Variants in ADCY8 observed in about 807,000 individuals in gnomAD.
ADCY8 encodes the protein adenylate cyclase type 8.
A neutral mutation model predicts 119.7 loss-of-function variants in ADCY8; 51 were observed. That is an observed-to-expected ratio of 0.43 (90% CI 0.34 to 0.54). ADCY8 has a LOEUF of 0.54. Among genes scored for constraint, ADCY8 ranks in the 20% least tolerant of loss-of-function variants. The pLI is 0.03. For missense variants in ADCY8, 1,383 were observed against 1,598.8 expected (o/e 0.87, Z 2.30); for synonymous variants, 665 against 651.0 (o/e 1.02, Z -0.33).
chr8:130,875,269 C>T (rs1818518748), intron 8 of ADCY8, among the ~76,000 whole-genome samples: 2 of 152,310 alleles, frequency 1.3e-5, no homozygotes, highest in Non-Finnish European at 1.5e-5. Context: ...ACCTGTCCTT[C>T]ACATCTGAAG....
At chr8:130,948,748 A>G (rs1821182434) in intron 3 of ADCY8, among the ~76,000 whole-genome samples, 2 of 151,980 alleles carry the variant, frequency 1.3e-5, no homozygotes, top group Admixed American at 1.3e-4. Flanking sequence ...AATGCTCCCA[A>G]CACCGCAGCG....
intron 7 of ADCY8, among the ~76,000 whole-genome samples, chr8:130,900,156 A>G (rs1819547782): frequency 6.6e-6 from 1 of 152,210 alleles, no homozygotes; most frequent in Admixed American, 6.5e-5. Flanking sequence ...ATAAAAGGGC[A>G]TGGGTGTTCA....
At chr8:130,855,314 TAAAG>T (rs1178181231) in intron 9 of ADCY8, among the ~76,000 whole-genome samples, 3 of 152,092 alleles carry the variant, frequency 2.0e-5, no homozygotes, top group Non-Finnish European at 2.9e-5. Context: ...CAGCACATAT[TAAAG>T]AAAGCTTTTG....
chr8:130,847,450 A>C lies in ADCY8; in HGVS notation c.2476T>G (p.Phe826Val). The C allele has an allele frequency of 6.2e-7, 1 of 1,613,458 alleles. No individual in the cohort carries two copies. The highest frequency in any genetic ancestry group is 2.2e-5 in the East Asian group (1 of 44,854). ...TCTGGGTAGGAGCAGATATCTGTAAACACAGCTGAGGAATTGAAAGTCAGG... is the reference window on the plus strand; with the variant it reads ...TCTGGGTAGGAGCAGATATCTGTAACCACAGCTGAGGAATTGAAAGTCAGG... ...KNLTFNSSAVFTDICSYPEYF... is the reference protein window; with the variant it reads ...KNLTFNSSAVVTDICSYPEYF... Residue 826 changes from phenylalanine (F) to valine (V), a missense_variant, in exon 11 of 18, where the codon TTT becomes GTT. Phe to Val is a conservative substitution (Grantham distance 50). Transcript: ENST00000286355.
intron 9 of ADCY8, among the ~76,000 whole-genome samples, chr8:130,859,258 T>C (rs946846730): frequency 9.9e-5 from 15 of 152,222 alleles, no homozygotes; most frequent in African/African-American, 3.4e-4. Context: ...CATGAGTTCA[T>C]ATGGATGTCT....
In ADCY8 at chr8:130,904,018, C is replaced by G. The variant is rs375687132; in HGVS notation, c.1665G>C (p.Thr555=). The change falls in exon 7 of 18, where the codon ACG becomes ACC. Residue 555 remains threonine (T), a synonymous_variant. Coordinates refer to ENST00000286355, the MANE Select transcript of ADCY8 (RefSeq NM_001115.3). ...IPGRIHISKA[T]LDCLNGDYNV... ...TATAGTCACCGTTGAGACAGTCCAG[C>G]GTGGCTTTGGAAATGTGAATCCTCC... The G allele has an allele frequency of 2.5e-6, 4 of 1,613,248 alleles. No individual in the cohort carries two copies. Among genetic ancestry groups the G allele is most frequent in the Non-Finnish European group, 3.4e-6 (4 of 1,179,296 alleles).
chr8:131,004,462 A>G (rs1586648287), intron 1 of ADCY8, among the ~76,000 whole-genome samples: 1 of 152,106 alleles, frequency 6.6e-6, no homozygotes, highest in African/African-American at 2.4e-5. Flanking sequence ...GTCAAGCCTC[A>G]TCTTGGTCAA....
At chr8:131,006,273 T>C (rs569544102) in intron 1 of ADCY8, among the ~76,000 whole-genome samples, 1 of 152,322 alleles carries the variant, frequency 6.6e-6, no homozygotes, top group Non-Finnish European at 1.5e-5. Context: ...GATGTATTCC[T>C]GTAGTTGACA....
chr8:130,960,857 A>C (rs1157327037), intron 2 of ADCY8, among the ~76,000 whole-genome samples: 1 of 152,114 alleles, frequency 6.6e-6, no homozygotes, highest in Non-Finnish European at 1.5e-5. Context: ...TTCTTGGAGG[A>C]TATGAATCTG....
intron 2 of ADCY8, among the ~76,000 whole-genome samples, chr8:130,957,088 G>A (rs1054727370): frequency 1.3e-5 from 2 of 152,168 alleles, no homozygotes; most frequent in African/African-American, 4.8e-5. Context: ...GGCAGAGGTT[G>A]GAACAGTCTG....
chr8:130,889,307 T>G (rs779103385), intron 7 of ADCY8, among the ~76,000 whole-genome samples: 3 of 152,188 alleles, frequency 2.0e-5, no homozygotes, highest in Non-Finnish European at 4.4e-5. Context: ...TTGTAGTCAC[T>G]TAAGTACTTT....
intron 7 of ADCY8, among the ~76,000 whole-genome samples, chr8:130,896,648 C>T (rs1413512841): frequency 6.6e-6 from 1 of 152,102 alleles, no homozygotes; most frequent in African/African-American, 2.4e-5. Flanking sequence ...ATAAGTTATG[C>T]TTAGAGAAAA....
At chr8:130,948,303 CG>C (rs1821165419) in intron 3 of ADCY8, among the ~76,000 whole-genome samples, 1 of 152,164 alleles carries the variant, frequency 6.6e-6, no homozygotes, top group Non-Finnish European at 1.5e-5. Context: ...TCAATACAAT[CG>C]GGTAGGTGGG....
intron 1 of ADCY8, among the ~76,000 whole-genome samples, chr8:131,022,796 G>A (rs1385584192): frequency 6.6e-6 from 1 of 152,134 alleles, no homozygotes; most frequent in Non-Finnish European, 1.5e-5. Flanking sequence ...TCTTGTGTTT[G>A]TATTCTGGTA....
chr8:130,887,037 A>G (rs1175605475), intron 7 of ADCY8, among the ~76,000 whole-genome samples: 1 of 151,860 alleles, frequency 6.6e-6, no homozygotes, highest in African/African-American at 2.4e-5. Flanking sequence ...ACAGTCCTTT[A>G]CATTGAATAC....
intron 5 of ADCY8, among the ~76,000 whole-genome samples, chr8:130,927,168 C>A (rs1348471621): frequency 6.6e-6 from 1 of 152,044 alleles, no homozygotes; most frequent in Non-Finnish European, 1.5e-5. Flanking sequence ...TGAAGAACTG[C>A]CACTGTTTTA....
intron 12 of ADCY8, among the ~76,000 whole-genome samples, chr8:130,835,338 C>A (rs952928487): frequency 2.0e-5 from 3 of 152,190 alleles, no homozygotes; most frequent in African/African-American, 7.2e-5. Flanking sequence ...TTCTGCCTTC[C>A]TCTGTCCTGA....
intron 13 of ADCY8, among the ~76,000 whole-genome samples, chr8:130,818,750 A>T (rs1017777288): frequency 3.9e-5 from 6 of 152,214 alleles, no homozygotes; most frequent in African/African-American, 1.4e-4. Context: ...GATGCTGCAG[A>T]TAGAAGACAC....
At chr8:130,857,576 T>C (rs1454265022) in intron 9 of ADCY8, among the ~76,000 whole-genome samples, 2 of 152,114 alleles carry the variant, frequency 1.3e-5, no homozygotes, top group East Asian at 3.8e-4. Flanking sequence ...TTCCTGAAAA[T>C]TGGAAGCTGG....
Sources: allele counts gnomAD v4.1 joint callset (sites outside exome capture counted in the v4.1 genomes callset), GRCh38; gene constraint gnomAD v4.1.1; transcripts MANE v1.5; gene names NCBI Gene and HGNC (gene_info 2026-07-23, HGNC 2026-07-21).